AKAP19: variants seen among roughly 807,000 people sequenced by gnomAD.
AKAP19 encodes A-kinase anchoring protein 19.
chr2:190,118,894 A>G, the AKAP19 span, among the ~76,000 whole-genome samples: 1 of 152,300 alleles, frequency 6.6e-6, no homozygotes, highest in Non-Finnish European at 1.5e-5. Flanking sequence ...AAAGAAATAA[A>G]GGGTATTCAA....
chr2:190,182,662 A>G, the AKAP19 span, among the ~76,000 whole-genome samples: 350 of 152,298 alleles, frequency 2.3e-3, 2 homozygotes, highest in Non-Finnish European at 3.9e-3. Flanking sequence ...ATTGAATTCA[A>G]TAAGTCAGTT....
the AKAP19 span, among the ~76,000 whole-genome samples, chr2:189,931,660 C>T: frequency 6.6e-6 from 1 of 152,080 alleles, no homozygotes; most frequent in Non-Finnish European, 1.5e-5. Flanking sequence ...AGTGATCCTC[C>T]TGCCTCAGCC....
the AKAP19 span, among the ~76,000 whole-genome samples, chr2:189,977,008 C>T: frequency 2.6e-5 from 4 of 152,182 alleles, no homozygotes; most frequent in African/African-American, 4.8e-5. Context: ...CAACAAGCCC[C>T]AGTGAGATGA....
the AKAP19 span, among the ~76,000 whole-genome samples, chr2:189,997,694 T>C: frequency 6.6e-6 from 1 of 152,124 alleles, no homozygotes; most frequent in Admixed American, 6.5e-5. Context: ...ATATAAACTT[T>C]CCTACTGAGA....
the AKAP19 span, among the ~76,000 whole-genome samples, chr2:190,009,081 T>C: frequency 6.6e-6 from 1 of 151,906 alleles, no homozygotes; most frequent in Non-Finnish European, 1.5e-5. Context: ...ATATCTGGCA[T>C]TGTGAGGAAT....
At chr2:190,149,560 C>A in the AKAP19 span, among the ~76,000 whole-genome samples, 1 of 152,090 alleles carries the variant, frequency 6.6e-6, no homozygotes, top group African/African-American at 2.4e-5. Context: ...AAATTTCCAT[C>A]TTTATTTTGT....
At chr2:190,034,342 T>A in the AKAP19 span, among the ~76,000 whole-genome samples, 13 of 151,728 alleles carry the variant, frequency 8.6e-5, no homozygotes, top group East Asian at 1.9e-3. Context: ...CTGACCATAA[T>A]TTTTTTAATC....
the AKAP19 span, among the ~76,000 whole-genome samples, chr2:190,142,482 C>A: frequency 6.6e-6 from 1 of 152,192 alleles, no homozygotes; most frequent in African/African-American, 2.4e-5. Context: ...TGCCACCACT[C>A]TTTGATTAGC....
At chr2:190,071,641 A>C in the AKAP19 span, among the ~76,000 whole-genome samples, 1 of 152,202 alleles carries the variant, frequency 6.6e-6, no homozygotes, top group Non-Finnish European at 1.5e-5. Context: ...TTAAATATGA[A>C]AATGTGTCAA....
At chr2:189,987,624 C>G in the AKAP19 span, among the ~76,000 whole-genome samples, 1 of 152,272 alleles carries the variant, frequency 6.6e-6, no homozygotes, top group African/African-American at 2.4e-5. Flanking sequence ...AGATTATGAA[C>G]AAGGATGAAG....
the AKAP19 span, chr2:190,180,855 C>T: frequency 5.1e-6 from 5 of 985,188 alleles, no homozygotes; most frequent in African/African-American, 1.7e-5. The surrounding 1 kb of genome is among the most constrained non-coding windows in gnomAD (Gnocchi z 6.8). Context: ...AAGGACGCCC[C>T]GTCCTCCACA....
At chr2:189,996,808 C>T in the AKAP19 span, among the ~76,000 whole-genome samples, 1 of 152,194 alleles carries the variant, frequency 6.6e-6, no homozygotes. Flanking sequence ...ATGCACTCTG[C>T]CTTCCCCTAG....
At chr2:190,004,079 A>G in the AKAP19 span, among the ~76,000 whole-genome samples, 3 of 149,084 alleles carry the variant, frequency 2.0e-5, no homozygotes, top group Middle Eastern at 3.5e-3. Context: ...TGCAATGACA[A>G]TATAGTTAAT....
the AKAP19 span, among the ~76,000 whole-genome samples, chr2:189,896,904 ACTT>A: frequency 1.3e-5 from 2 of 152,014 alleles, no homozygotes; most frequent in Admixed American, 6.6e-5. Flanking sequence ...TTTAATTTTA[ACTT>A]TTATTCAAAT....
chr2:190,129,368 A>T, the AKAP19 span, among the ~76,000 whole-genome samples: 5 of 152,220 alleles, frequency 3.3e-5, no homozygotes, highest in Non-Finnish European at 7.3e-5. Flanking sequence ...TTTTGTGAAT[A>T]TCTTTGTAAA....
At chr2:190,047,195 T>C in the AKAP19 span, among the ~76,000 whole-genome samples, 5 of 152,134 alleles carry the variant, frequency 3.3e-5, no homozygotes, top group African/African-American at 1.2e-4. Context: ...TTTCCAGCCA[T>C]TCTGAACTTC....
At chr2:190,010,551 C>G in the AKAP19 span, among the ~76,000 whole-genome samples, 1 of 152,032 alleles carries the variant, frequency 6.6e-6, no homozygotes, top group Non-Finnish European at 1.5e-5. Flanking sequence ...ATGTAAAATT[C>G]CACTTAAAAT....
chr2:189,953,634 CAAAA>C, the AKAP19 span, among the ~76,000 whole-genome samples: 1 of 72,826 alleles, frequency 1.4e-5, no homozygotes, highest in Non-Finnish European at 2.7e-5. Context: ...AACTCCATCT[CAAAA>C]AAAAAAAAAA....
chr2:189,930,314 G>A, the AKAP19 span: 1 of 648,282 alleles, frequency 1.5e-6, no homozygotes, highest in Non-Finnish European at 2.3e-6. Flanking sequence ...CTCCATGGAG[G>A]AGGGGCACGT....
Sources: gnomAD v4.1 joint callset for allele counts (sites outside exome capture counted in the v4.1 genomes callset) on GRCh38, gnomAD v4.1.1 for gene constraint, Gnocchi (gnomAD v3.1) non-coding constraint, MANE v1.5 for transcripts, NCBI Gene and HGNC (gene_info 2026-07-23, HGNC 2026-07-21) for gene names.